Variants in PLCE1 observed in about 807,000 individuals in gnomAD.
PLCE1 encodes the protein phospholipase C epsilon 1.
In PLCE1, 119 loss-of-function variants were observed where a neutral mutation model predicts 242.8. That is an observed-to-expected ratio of 0.49 (90% confidence interval 0.42 to 0.57). PLCE1 has a LOEUF of 0.57. Among genes scored for constraint, PLCE1 ranks in the 20% least tolerant of loss-of-function variants. The pLI is 0.00. For synonymous variants in PLCE1, 945 were observed against 1,017.4 expected, an observed-to-expected ratio of 0.93 and a Z score of 1.35; for missense variants, 2,441 against 2,788.8, an observed-to-expected ratio of 0.88 and a Z score of 2.81.
chr10:94,273,746 T>G, intron 19 of PLCE1, 26 bp downstream of exon 19: 1 of 1,606,998 alleles, frequency 6.2e-7, no homozygotes, highest in Non-Finnish European at 8.5e-7. Context: ...AAACCAGTTA[T>G]GAAAAGGCAG....
intron 4 of PLCE1, among the ~76,000 whole-genome samples, chr10:94,220,824 T>G (rs1042114918): frequency 6.6e-6 from 1 of 152,158 alleles, no homozygotes; most frequent in East Asian, 1.9e-4. Flanking sequence ...GAATTAGGGC[T>G]CAGAGCAGTT....
intron 4 of PLCE1, among the ~76,000 whole-genome samples, chr10:94,175,372 CTCAT>C (rs3053179): frequency 0.8 from 121,403 of 151,038 alleles, 49,075 homozygotes; most frequent in East Asian, 0.86. Context: ...CCATTACTCC[CTCAT>C]TCATTCATTC....
At chr10:94,242,444 G>A (rs2050539256) in intron 7 of PLCE1, among the ~76,000 whole-genome samples, 1 of 152,106 alleles carries the variant, frequency 6.6e-6, no homozygotes, top group South Asian at 2.1e-4. Context: ...CCAGGTAGCT[G>A]GGACTACAGG....
At chr10:94,274,168 C>G (rs192429251) in intron 19 of PLCE1, among the ~76,000 whole-genome samples, 1 of 152,138 alleles carries the variant, frequency 6.6e-6, no homozygotes, top group Non-Finnish European at 1.5e-5. Flanking sequence ...ATCCGGACAA[C>G]AGAGATCTGG....
At chr10:94,013,589 T>C (rs2061216052) in intron 1 of PLCE1, among the ~76,000 whole-genome samples, 1 of 152,248 alleles carries the variant, frequency 6.6e-6, no homozygotes, top group Non-Finnish European at 1.5e-5. Flanking sequence ...GTGTCTCAAG[T>C]GAGGCCTTGA....
chr10:94,214,451 T>C (rs10882405), intron 4 of PLCE1, among the ~76,000 whole-genome samples: 96,069 of 152,052 alleles, frequency 0.63, 30,632 homozygotes, highest in East Asian at 0.94. Flanking sequence ...ACCCAACATA[T>C]ATGTACTGGA....
At chr10:94,045,744 G>A (rs2061869197) in intron 2 of PLCE1, among the ~76,000 whole-genome samples, 1 of 152,186 alleles carries the variant, frequency 6.6e-6, no homozygotes, top group Admixed American at 6.5e-5. Flanking sequence ...AGAGTTCATG[G>A]TGGGATAGTG....
intron 2 of PLCE1, among the ~76,000 whole-genome samples, chr10:94,093,379 T>G (rs915237856): frequency 3.0e-4 from 46 of 152,216 alleles, no homozygotes; most frequent in African/African-American, 1.0e-3. Context: ...ACCAGCCCCT[T>G]ACAATCATGT....
intron 19 of PLCE1, among the ~76,000 whole-genome samples, chr10:94,276,649 A>T (rs1277986765): frequency 6.6e-6 from 1 of 152,202 alleles, no homozygotes; most frequent in African/African-American, 2.4e-5. Context: ...TATCCAAAAC[A>T]GCTAAGGAGG....
At chr10:94,026,334 A>G (rs779469552) in intron 1 of PLCE1, among the ~76,000 whole-genome samples, 3 of 152,126 alleles carry the variant, frequency 2.0e-5, no homozygotes, top group African/African-American at 4.8e-5. Flanking sequence ...TGGACATACT[A>G]TCTTGACAGG....
At position 94,325,029 on chromosome 10, in the gene PLCE1, G is replaced by A. The variant is rs2133915674; in HGVS notation, c.6858G>A (p.Glu2286=). 1 of 1,614,212 alleles carries A rather than the reference G, an allele frequency of 6.2e-7. No individual in the cohort carries two copies. Among genetic ancestry groups the A allele is most frequent in the East Asian group, 2.2e-5 (1 of 44,880 alleles). Residue 2286 remains glutamate, a synonymous_variant, in exon 32 of 33, where the codon GAG becomes GAA. Coordinates refer to ENST00000371380, the MANE Select transcript of PLCE1 (RefSeq NM_016341.4). ...LTSESIQTKE[E]KPVGGLSSSD... ...CAGAAAGTATCCAAACCAAGGAGGA[G>A]AAACCTGTGGGTGGCTTGTCCTCCA...
rs1327594574 is a variant in PLCE1, at chr10:94,270,482, A to G, written c.4390-4A>G. ...ACTCTAATGAGCTGTTTTGGCTCTC[A>G]TAGGAAGTGGTTGAAGCCATTGATC... On this transcript the variant is annotated splice_polypyrimidine_tract_variant and splice_region_variant and intron_variant, in intron 17 of 32. Coordinates refer to ENST00000371380, the MANE Select transcript of PLCE1 (RefSeq NM_016341.4). 2 of 1,601,860 alleles carry G rather than the reference A, an allele frequency of 1.2e-6. No homozygotes were observed. Among genetic ancestry groups the G allele is most frequent in the South Asian group, 1.1e-5 (1 of 90,780 alleles).
At chr10:94,250,673 G>A (rs930130603) in intron 8 of PLCE1, among the ~76,000 whole-genome samples, 5 of 152,148 alleles carry the variant, frequency 3.3e-5, no homozygotes, top group Non-Finnish European at 7.3e-5. Context: ...TCTGTTAGTG[G>A]TAAAGTTTGA....
At chr10:94,039,644 C>T (rs1045481508) in intron 2 of PLCE1, among the ~76,000 whole-genome samples, 10 of 152,128 alleles carry the variant, frequency 6.6e-5, no homozygotes, top group Admixed American at 1.3e-4. Flanking sequence ...CCTTGGCCTC[C>T]GAAAATGGTG....
At chr10:94,133,153 G>A (rs1375755429) in intron 3 of PLCE1, among the ~76,000 whole-genome samples, 2 of 152,136 alleles carry the variant, frequency 1.3e-5, no homozygotes, top group East Asian at 1.9e-4. Context: ...GTGGTTGGGA[G>A]CAGAGTGAAA....
At chr10:94,230,597 T>A (rs1245707093) in intron 5 of PLCE1, among the ~76,000 whole-genome samples, 1 of 150,302 alleles carries the variant, frequency 6.7e-6, no homozygotes, top group African/African-American at 2.4e-5. Flanking sequence ...AGTGCTAGGA[T>A]TACAGGCATG....
At chr10:94,322,912 G>A (rs901273651) in intron 30 of PLCE1, among the ~76,000 whole-genome samples, 3 of 152,026 alleles carry the variant, frequency 2.0e-5, no homozygotes, top group Non-Finnish European at 4.4e-5. Flanking sequence ...AGCCAAAATC[G>A]TGCCACTTTA....
chr10:94,058,499 T>C (rs989253516), intron 2 of PLCE1, among the ~76,000 whole-genome samples: 5 of 152,214 alleles, frequency 3.3e-5, no homozygotes, highest in Admixed American at 2.6e-4. Flanking sequence ...TGAAAAGTTC[T>C]TCAGTAAAAA....
intron 2 of PLCE1, among the ~76,000 whole-genome samples, chr10:94,092,358 G>T (rs2045111415): frequency 6.6e-6 from 1 of 152,164 alleles, no homozygotes; most frequent in African/African-American, 2.4e-5. Flanking sequence ...TTTGTGGCAG[G>T]TATTGTGTGA....
Sources: allele counts gnomAD v4.1 joint callset (sites outside exome capture counted in the v4.1 genomes callset), GRCh38; gene constraint gnomAD v4.1.1; transcripts MANE v1.5; gene names NCBI Gene and HGNC (gene_info 2026-07-23, HGNC 2026-07-21).